ZEB2: variants seen among roughly 807,000 people sequenced by gnomAD.
ZEB2 encodes the protein zinc finger E-box binding homeobox 2.
A neutral mutation model predicts 99.9 loss-of-function variants in ZEB2; 6 were observed. That is an observed-to-expected ratio of 0.06 (90% CI 0.03 to 0.12). The LOEUF is 0.12. Among genes scored for constraint, ZEB2 ranks in the 10% least tolerant of loss-of-function variants. The pLI is 1.00. For missense variants in ZEB2, 969 were observed against 1,502.8 expected, an observed-to-expected ratio of 0.64 and a Z score of 5.87; for synonymous variants, 517 against 542.5, an observed-to-expected ratio of 0.95 and a Z score of 0.65.
At chr2:144,468,170 G>A (rs1441182568) in intron 2 of ZEB2, among the ~76,000 whole-genome samples, 1 of 152,074 alleles carries the variant, frequency 6.6e-6, no homozygotes, top group Non-Finnish European at 1.5e-5. Flanking sequence ...AGAAAGCAGA[G>A]TGGGAAATCA....
chr2:144,490,948 A>T (rs1403467755), intron 2 of ZEB2, among the ~76,000 whole-genome samples: 1 of 152,244 alleles, frequency 6.6e-6, no homozygotes, highest in Non-Finnish European at 1.5e-5. Flanking sequence ...AGCCTCCCTG[A>T]GTAGGCATTG....
At chr2:144,497,671 T>C (rs1368321974) in intron 2 of ZEB2, 2 of 166,798 alleles carry the variant, frequency 1.2e-5, no homozygotes, top group African/African-American at 2.5e-5. Flanking sequence ...TAAGCTCACA[T>C]GGCAAACTTT....
chr2:144,482,751 C>CT (rs66865728), intron 2 of ZEB2, among the ~76,000 whole-genome samples: 88,403 of 148,986 alleles, frequency 0.59, 26,812 homozygotes, highest in Non-Finnish European at 0.68. Flanking sequence ...TCTGATATTT[C>CT]TTTTTTTTTT....
intron 2 of ZEB2, among the ~76,000 whole-genome samples, chr2:144,485,556 T>C (rs1164831163): frequency 6.6e-6 from 1 of 152,192 alleles, no homozygotes; most frequent in East Asian, 1.9e-4. Flanking sequence ...CTTTATGCCA[T>C]AAACTGTTTC....
At chr2:144,477,679 G>A (rs1437582983) in intron 2 of ZEB2, among the ~76,000 whole-genome samples, 1 of 152,134 alleles carries the variant, frequency 6.6e-6, no homozygotes, top group East Asian at 1.9e-4. Context: ...TGAGTTTGAA[G>A]CCTGCTCCAT....
At chr2:144,431,958 A>C (rs1703777576) in intron 2 of ZEB2, among the ~76,000 whole-genome samples, 1 of 151,296 alleles carries the variant, frequency 6.6e-6, no homozygotes, top group South Asian at 2.1e-4. Flanking sequence ...AGTGAATAAA[A>C]TTATCTAAGG....
At chr2:144,519,726 G>T in intron 1 of ZEB2, 1 of 325,006 alleles carries the variant, frequency 3.1e-6, no homozygotes, top group South Asian at 2.5e-5. Context: ...AGCAAGGAGA[G>T]AGAGTGTGAG....
At chr2:144,483,940 T>G (rs1198217416) in intron 2 of ZEB2, among the ~76,000 whole-genome samples, 1 of 152,174 alleles carries the variant, frequency 6.6e-6, no homozygotes, top group Non-Finnish European at 1.5e-5. Context: ...GAAACCACTA[T>G]GGATTAAGTA....
chr2:144,508,648 G>A (rs1467259095), intron 2 of ZEB2, among the ~76,000 whole-genome samples: 1 of 151,664 alleles, frequency 6.6e-6, no homozygotes, highest in Non-Finnish European at 1.5e-5. Context: ...GTCTCAAGTT[G>A]GTAACGGCCA....
chr2:144,504,465 C>T (rs1704925405), intron 2 of ZEB2: 1 of 152,322 alleles, frequency 6.6e-6, no homozygotes, highest in South Asian at 2.1e-4. Flanking sequence ...AGTTTGCTGC[C>T]TGTACTTTGG....
At position 144,502,854 on chromosome 2, in the gene ZEB2, A is replaced by AT. The variant is rs962694906; in HGVS notation, c.73+14423dup. Among the ~76,000 whole-genome samples the AT allele has an allele frequency of 8.8e-4, 127 of 144,378 alleles. 1 individual carries two copies. The highest frequency in any genetic ancestry group is 4.4e-3 in the East Asian group (22 of 5,002). 94.7% of individuals were successfully genotyped at this position (144,378 alleles called of 152,430 possible). A position where few individuals can be genotyped will look rare whatever the true frequency, so the allele number is the denominator to read the frequency against. On this transcript the variant is annotated intron_variant, in intron 2 of 9. Coordinates refer to ENST00000627532, the MANE Select transcript of ZEB2 (RefSeq NM_014795.4). ...GCTCACTTTAACATAAACTCCCTTG[A>AT]TTTTTTTTTTTCTCTCAGTGGTGAT...
intron 2 of ZEB2, chr2:144,513,474 T>C: frequency 6.6e-7 from 1 of 1,507,642 alleles, no homozygotes; most frequent in Non-Finnish European, 8.8e-7. Context: ...CCTATTTCCC[T>C]TTTCTCTCCT....
intron 2 of ZEB2, among the ~76,000 whole-genome samples, chr2:144,440,505 ATATATATATATTTTTTTTTTTTTT>A (rs1247901002): frequency 0.095 from 1,484 of 15,632 alleles, 10 homozygotes; most frequent in Non-Finnish European, 0.14. Context: ...ATATATATAT[ATATATATATATTTTTTTTTTTTTT>A]TTTTTTTTTT....
In ZEB2 at chr2:144,384,233, A is replaced by T. The variant is rs546174782; in HGVS notation, c.*5218T>A. 6 of 152,230 alleles carry T rather than the reference A, an allele frequency of 3.9e-5. No homozygotes were observed. The highest frequency in any genetic ancestry group is 8.8e-5 in the Non-Finnish European group (6 of 68,008). 9.4% of individuals were successfully genotyped at this position (152,230 alleles called of 1,614,324 possible). Reference sequence around the variant, plus strand: ...GTATTTTGGAGCATTTTAACATGTCATGCTAGATTATAGGTAGTAGGCGAC... The same window carrying T: ...GTATTTTGGAGCATTTTAACATGTCTTGCTAGATTATAGGTAGTAGGCGAC... On this transcript the variant is annotated 3_prime_UTR_variant, in exon 10 of 10. Transcript: ENST00000627532.
chr2:144,407,729 C>G (rs1022165158), intron 4 of ZEB2, among the ~76,000 whole-genome samples: 1 of 152,158 alleles, frequency 6.6e-6, no homozygotes, highest in Non-Finnish European at 1.5e-5. Flanking sequence ...GAATTCGTAT[C>G]TACTTGAGGG....
At chr2:144,458,127 T>TATAC (rs1408033507) in intron 2 of ZEB2, among the ~76,000 whole-genome samples, 1 of 151,546 alleles carries the variant, frequency 6.6e-6, no homozygotes, top group African/African-American at 2.4e-5. Context: ...TTATCTATCT[T>TATAC]ATACACACAC....
At chr2:144,495,834 G>C (rs1300310612) in intron 2 of ZEB2, 1 of 152,244 alleles carries the variant, frequency 6.6e-6, no homozygotes, top group African/African-American at 2.4e-5. Flanking sequence ...TGTCCAACGT[G>C]CTCCCTATAT....
intron 3 of ZEB2, 21 bp downstream of exon 3, chr2:144,429,748 C>G: frequency 6.2e-7 from 1 of 1,613,664 alleles, no homozygotes; most frequent in South Asian, 1.1e-5. Context: ...AGGAAGAGGC[C>G]AAGTGATTTT....
At chr2:144,507,146 T>G (rs1360896860) in intron 2 of ZEB2, among the ~76,000 whole-genome samples, 1 of 152,234 alleles carries the variant, frequency 6.6e-6, no homozygotes, top group Non-Finnish European at 1.5e-5. Flanking sequence ...TACACAGGAT[T>G]TAAAATTTTA....
Sources: gnomAD v4.1 joint callset for allele counts (sites outside exome capture counted in the v4.1 genomes callset) on GRCh38, gnomAD v4.1.1 for gene constraint, MANE v1.5 for transcripts, NCBI Gene and HGNC (gene_info 2026-07-23, HGNC 2026-07-21) for gene names.